The following FKTN variants were observed in gnomAD, a reference collection of about 807,000 sequenced individuals.
FKTN encodes the protein fukutin, also known as ribitol-5-phosphate transferase FKTN.
FKTN carries 47 observed loss-of-function variants against 58.6 expected under a neutral mutation model. The ratio of observed to expected loss-of-function variants is 0.80; its 90% CI spans 0.63 to 1.02. FKTN has a LOEUF of 1.02. Among genes scored for constraint, FKTN ranks in the 50% least tolerant of loss-of-function variants. FKTN has a pLI of 0.00. For missense variants in FKTN, 516 were observed against 537.3 expected (o/e 0.96, Z 0.39); for synonymous variants, 178 against 191.9 (o/e 0.93, Z 0.60).
chr9:105,563,307 G>A (rs1285680912), intron 1 of FKTN, among the ~76,000 whole-genome samples: 1 of 152,146 alleles, frequency 6.6e-6, no homozygotes, highest in Non-Finnish European at 1.5e-5. Flanking sequence ...AGTGGGTGCA[G>A]GACAGTGGGT....
At position 105,617,275 on chromosome 9, in the gene FKTN, T is replaced by C. The variant is rs1330967394; in HGVS notation, c.911-684T>C. On this transcript the variant is annotated intron_variant, in intron 8 of 10. Transcript: ENST00000357998. ...CTTAATAATATTAAGGTACATGTTT[T>C]ATTTCTTCAGAACAGTGCTATAGCA... Among the ~76,000 whole-genome samples, 5 of 152,198 alleles carry C rather than the reference T, an allele frequency of 3.3e-5. No homozygotes were observed. The East Asian group carries it at 9.6e-4, about 29-fold the overall frequency.
At position 105,638,601 on chromosome 9, in the gene FKTN, C is replaced by T. The variant is rs1834210998; in HGVS notation, c.*3337C>T. 1 of 985,108 alleles carries T rather than the reference C, an allele frequency of 1.0e-6. No homozygotes were observed. The highest frequency in any genetic ancestry group is 1.2e-6 in the Non-Finnish European group (1 of 829,842). The allele number at this position is 985,108 out of a possible 1,614,324, so 61.0% of individuals were successfully genotyped here. A position where few individuals can be genotyped will look rare whatever the true frequency, so the allele number is the denominator to read the frequency against. ...TGACCTTTTATGAGGCTCTTTCCTT[C>T]CTAAGGGACCTTTCCCTGGTAGTAG... On this transcript the variant is annotated 3_prime_UTR_variant, in exon 11 of 11. Transcript: ENST00000357998.
chr9:105,569,930 G>C lies in FKTN; in HGVS notation c.-180-3725G>C, dbSNP rs539970572. On this transcript the variant is annotated intron_variant, in intron 1 of 10. Coordinates refer to ENST00000357998, the MANE Select transcript of FKTN (RefSeq NM_001079802.2). The stretch of plus-strand genomic sequence containing the variant: ...CTTCTTTAGGAAACTTTACCTAAGT[G>C]TAAGTAAGGAAATGAATGCTATCCT... Among the ~76,000 whole-genome samples the C allele has an allele frequency of 1.3e-3, 192 of 152,064 alleles. 1 individual carries two copies. Among genetic ancestry groups the C allele is most frequent in the Non-Finnish European group, 2.5e-3 (170 of 67,988 alleles).
intron 10 of FKTN, among the ~76,000 whole-genome samples, chr9:105,632,880 T>C (rs1833662310): frequency 6.6e-6 from 1 of 152,198 alleles, no homozygotes; most frequent in African/African-American, 2.4e-5. Flanking sequence ...AAGTACAAAC[T>C]GCTTAGCCGA....
In FKTN at chr9:105,638,607, G is replaced by A. The variant is rs1834211538; in HGVS notation, c.*3343G>A. The A allele has an allele frequency of 1.0e-6, 1 of 985,128 alleles. No homozygotes were observed. Among genetic ancestry groups the A allele is most frequent in the Non-Finnish European group, 1.2e-6 (1 of 829,814 alleles). 61.0% of individuals were successfully genotyped at this position (985,128 alleles called of 1,614,324 possible). On this transcript the variant is annotated 3_prime_UTR_variant, in exon 11 of 11. Coordinates refer to ENST00000357998, the MANE Select transcript of FKTN (RefSeq NM_001079802.2). The stretch of plus-strand genomic sequence containing the variant: ...TTTATGAGGCTCTTTCCTTCCTAAG[G>A]GACCTTTCCCTGGTAGTAGTGGTCT...
chr9:105,576,803 G>A (rs1208794023), intron 3 of FKTN, among the ~76,000 whole-genome samples: 8 of 85,332 alleles, frequency 9.4e-5, no homozygotes, highest in African/African-American at 3.2e-4. Context: ...AAGTGTTCCT[G>A]TTTCTCCACA....
At chr9:105,592,304 T>TA (rs1271121047) in intron 3 of FKTN, among the ~76,000 whole-genome samples, 1 of 152,178 alleles carries the variant, frequency 6.6e-6, no homozygotes, top group Non-Finnish European at 1.5e-5. Flanking sequence ...CATAGGTTGT[T>TA]AGAAGCAGCC....
chr9:105,622,183 GAGCA>G, intron 10 of FKTN, among the ~76,000 whole-genome samples: 1 of 152,042 alleles, frequency 6.6e-6, no homozygotes, highest in South Asian at 2.1e-4. Context: ...ATATAATTGG[GAGCA>G]CATTAGAATT....
At chr9:105,563,871 C>A (rs1589173056) in intron 1 of FKTN, among the ~76,000 whole-genome samples, 1 of 152,190 alleles carries the variant, frequency 6.6e-6, no homozygotes, top group Non-Finnish European at 1.5e-5. Flanking sequence ...GGGTCCCTGA[C>A]CCTCAAGTAG....
intron 10 of FKTN, among the ~76,000 whole-genome samples, chr9:105,622,712 G>A (rs1832172487): frequency 1.3e-5 from 2 of 151,970 alleles, no homozygotes; most frequent in African/African-American, 4.8e-5. Context: ...AGAGTTAATA[G>A]GTTAAGTGAG....
At chr9:105,587,335 A>T (rs1453315930) in intron 3 of FKTN, among the ~76,000 whole-genome samples, 1 of 152,102 alleles carries the variant, frequency 6.6e-6, no homozygotes, top group Admixed American at 6.5e-5. Flanking sequence ...GGGAGTTTGG[A>T]TTTCAAGTTT....
intron 10 of FKTN, among the ~76,000 whole-genome samples, chr9:105,620,995 A>G (rs1200647403): frequency 1.3e-5 from 2 of 152,106 alleles, no homozygotes; most frequent in African/African-American, 2.4e-5. Flanking sequence ...TTATTCTTAA[A>G]TTACTTTCTA....
At chr9:105,605,099 A>C (rs1435682397) in intron 6 of FKTN, among the ~76,000 whole-genome samples, 2 of 152,162 alleles carry the variant, frequency 1.3e-5, no homozygotes, top group Non-Finnish European at 2.9e-5. Flanking sequence ...CACAAGGCAC[A>C]AAAGAATCTA....
chr9:105,569,793 T>C (rs535106743), intron 1 of FKTN, among the ~76,000 whole-genome samples: 12 of 152,304 alleles, frequency 7.9e-5, no homozygotes, highest in African/African-American at 2.9e-4. Context: ...CCTCGTTACA[T>C]CTTTTTTTTC....
intron 7 of FKTN, among the ~76,000 whole-genome samples, chr9:105,612,672 A>G (rs889480187): frequency 6.6e-6 from 1 of 152,340 alleles, no homozygotes; most frequent in South Asian, 2.1e-4. Context: ...GTTCTGAGAA[A>G]TGGAATTTCT....
rs1834320174 is a variant in FKTN, at chr9:105,640,105, G to T, written c.*4841G>T. ...TTCTGTTTCTATCTCAACTAGGCAAGAATCAGCAGGGTGCATGATGCCATT... is the reference window on the plus strand; with the variant it reads ...TTCTGTTTCTATCTCAACTAGGCAATAATCAGCAGGGTGCATGATGCCATT... On this transcript the variant is annotated 3_prime_UTR_variant, in exon 11 of 11. Coordinates refer to ENST00000357998, the MANE Select transcript of FKTN (RefSeq NM_001079802.2). The T allele has an allele frequency of 6.5e-7, 1 of 1,535,164 alleles. No homozygotes were observed. Among genetic ancestry groups the T allele is most frequent in the African/African-American group, 1.4e-5 (1 of 73,024 alleles).
chr9:105,610,187 A>G (rs1232248543), intron 7 of FKTN, among the ~76,000 whole-genome samples: 1 of 151,912 alleles, frequency 6.6e-6, no homozygotes, highest in East Asian at 1.9e-4. Flanking sequence ...TACAATTTTC[A>G]TACCTCCACC....
chr9:105,561,566 T>A (rs1438667587), intron 1 of FKTN, among the ~76,000 whole-genome samples: 9 of 152,336 alleles, frequency 5.9e-5, no homozygotes, highest in African/African-American at 2.2e-4. Flanking sequence ...TCAGCCACTA[T>A]CTTTCCAAAA....
chr9:105,601,077 A>G, intron 4 of FKTN, 68 bp from the exon 5 acceptor site: 1 of 884,386 alleles, frequency 1.1e-6, no homozygotes, highest in Non-Finnish European at 1.8e-6. Flanking sequence ...TTAATGAATT[A>G]AAATGTTATA....
Sources: gnomAD v4.1 joint callset for allele counts (sites outside exome capture counted in the v4.1 genomes callset) on GRCh38, gnomAD v4.1.1 for gene constraint, MANE v1.5 for transcripts, NCBI Gene and HGNC (gene_info 2026-07-23, HGNC 2026-07-21) for gene names.